PDE4D: variants seen among roughly 807,000 people sequenced by gnomAD.
The protein encoded by PDE4D is 3',5'-cyclic-AMP phosphodiesterase 4D.
PDE4D carries 24 observed loss-of-function variants against 87.4 expected under a neutral mutation model. The observed-to-expected ratio is 0.27, with a 90% CI of 0.20 to 0.39. The LOEUF (loss-of-function observed/expected upper bound fraction) is 0.39, where lower values mean the gene tolerates loss of function less well. Ranked by LOEUF, PDE4D falls within the 10% of genes least tolerant of loss-of-function variation. PDE4D has a pLI of 1.00. For synonymous variants in PDE4D, 384 were observed against 383.2 expected (o/e 1.00, Z -0.02); for missense variants, 714 against 1,041.0 (o/e 0.69, Z 4.32).
At chr5:60,410,614 A>G (rs1741966647) in intron 1 of PDE4D, among the ~76,000 whole-genome samples, 1 of 152,248 alleles carries the variant, frequency 6.6e-6, no homozygotes. Context: ...ACTCACCACA[A>G]GTCTTGACAA....
intron 1 of PDE4D, among the ~76,000 whole-genome samples, chr5:60,468,130 C>CTTTTTTTTTTTTTTTGTTTT (rs370784270): frequency 7.9e-6 from 1 of 126,186 alleles, no homozygotes; most frequent in African/African-American, 3.1e-5. Flanking sequence ...AACTTTCTTT[C>CTTTTTTTTTTTTTTTGTTTT]TTTTTTCTTT....
chr5:59,808,181 T>A (rs1767954679), intron 1 of PDE4D, among the ~76,000 whole-genome samples: 1 of 152,220 alleles, frequency 6.6e-6, no homozygotes, highest in Non-Finnish European at 1.5e-5. Context: ...TGAGCCCCCA[T>A]GGGCTTGTGG....
chr5:59,804,320 C>A (rs914105568), intron 1 of PDE4D, among the ~76,000 whole-genome samples: 3 of 152,248 alleles, frequency 2.0e-5, no homozygotes, highest in African/African-American at 7.2e-5. Flanking sequence ...ATGGCCTCCA[C>A]TTCCAGCCAA....
chr5:60,040,872 T>G (rs745529548), intron 2 of PDE4D, among the ~76,000 whole-genome samples: 18 of 152,224 alleles, frequency 1.2e-4, no homozygotes, highest in Non-Finnish European at 2.2e-4. Context: ...GGTTTCTTCT[T>G]TAAGATTTTT....
intron 6 of PDE4D, 75 bp downstream of exon 6, chr5:59,038,784 C>G: frequency 1.5e-6 from 2 of 1,311,470 alleles, no homozygotes; most frequent in Non-Finnish European, 2.0e-6. Context: ...TTTCCCGGGG[C>G]TATGGGTACC....
At chr5:59,221,611 G>A (rs1216779144) in intron 1 of PDE4D, among the ~76,000 whole-genome samples, 3 of 151,924 alleles carry the variant, frequency 2.0e-5, no homozygotes, top group East Asian at 1.9e-4. Context: ...CAGCTTGGGC[G>A]ACAGAGCGAG....
intron 1 of PDE4D, among the ~76,000 whole-genome samples, chr5:59,406,694 C>A (rs1023498858): frequency 6.6e-6 from 1 of 151,984 alleles, no homozygotes; most frequent in African/African-American, 2.4e-5. Context: ...AGCAACATCT[C>A]CCTTTTCATC....
intron 1 of PDE4D, among the ~76,000 whole-genome samples, chr5:59,851,206 T>A (rs1744619662): frequency 6.6e-6 from 1 of 151,974 alleles, no homozygotes; most frequent in Non-Finnish European, 1.5e-5. Context: ...TGTGAGTAAA[T>A]CACCTTAGAA....
intron 1 of PDE4D, among the ~76,000 whole-genome samples, chr5:59,378,422 C>A (rs920814452): frequency 6.6e-6 from 1 of 151,758 alleles, no homozygotes. Flanking sequence ...TACCCCTGAA[C>A]TTAAAAGTTA....
chr5:60,035,300 C>CA (rs945921696), intron 2 of PDE4D, among the ~76,000 whole-genome samples: 9 of 150,918 alleles, frequency 6.0e-5, no homozygotes, highest in African/African-American at 2.2e-4. Context: ...GATTAAATAT[C>CA]AATGTTGAGA....
intron 1 of PDE4D, among the ~76,000 whole-genome samples, chr5:59,888,556 G>A (rs1012029774): frequency 2.6e-5 from 4 of 152,088 alleles, no homozygotes; most frequent in African/African-American, 9.7e-5. Context: ...CATTTTCCTT[G>A]CATTTTTTGC....
intron 1 of PDE4D, among the ~76,000 whole-genome samples, chr5:59,848,744 C>G (rs1744248036): frequency 1.3e-5 from 2 of 151,878 alleles, no homozygotes; most frequent in African/African-American, 4.8e-5. Context: ...ATAATGCATC[C>G]ATTAGAATAG....
intron 2 of PDE4D, among the ~76,000 whole-genome samples, chr5:60,122,602 C>T (rs981405453): frequency 6.6e-6 from 1 of 152,210 alleles, no homozygotes; most frequent in African/African-American, 2.4e-5. Flanking sequence ...CTAGACTGCA[C>T]ACAGCACGGG....
intron 3 of PDE4D, among the ~76,000 whole-genome samples, chr5:59,905,456 A>C (rs1330947489): frequency 2.0e-5 from 3 of 152,152 alleles, no homozygotes; most frequent in Non-Finnish European, 2.9e-5. Flanking sequence ...GTCTCATCAC[A>C]GTTAAATATT....
intron 1 of PDE4D, among the ~76,000 whole-genome samples, chr5:60,423,851 G>T (rs1443705183): frequency 6.6e-6 from 1 of 152,076 alleles, no homozygotes; most frequent in African/African-American, 2.4e-5. Flanking sequence ...AATGATAAAG[G>T]TGATATCACC....
At chr5:58,987,815 T>C (rs146992435) in intron 11 of PDE4D, among the ~76,000 whole-genome samples, 2 of 152,296 alleles carry the variant, frequency 1.3e-5, no homozygotes, top group East Asian at 1.9e-4. Flanking sequence ...AAGTACCAAA[T>C]AGAATTTCTA....
At chr5:59,635,195 TG>T (rs1832077598) in intron 1 of PDE4D, among the ~76,000 whole-genome samples, 1 of 152,078 alleles carries the variant, frequency 6.6e-6, no homozygotes, top group Non-Finnish European at 1.5e-5. Flanking sequence ...CAGAAAGAAG[TG>T]GAATCCCTGA....
chr5:60,030,004 A>C (rs1253507701), intron 2 of PDE4D, among the ~76,000 whole-genome samples: 3 of 152,200 alleles, frequency 2.0e-5, no homozygotes, highest in Admixed American at 6.5e-5. Context: ...GAGCTCTTAG[A>C]CCATAAATGC....
At chr5:59,674,026 C>T (rs191357973) in intron 1 of PDE4D, among the ~76,000 whole-genome samples, 1 of 152,132 alleles carries the variant, frequency 6.6e-6, no homozygotes, top group East Asian at 1.9e-4. Flanking sequence ...CTTAAAAATG[C>T]TTCATTTTAT....
Sources: gnomAD v4.1 joint callset for allele counts (sites outside exome capture counted in the v4.1 genomes callset) on GRCh38, gnomAD v4.1.1 for gene constraint, MANE v1.5 for transcripts, NCBI Gene and HGNC (gene_info 2026-07-23, HGNC 2026-07-21) for gene names.